NYAP2: variants seen among roughly 807,000 people sequenced by gnomAD.
NYAP2 encodes neuronal tyrosine-phosphorylated phosphoinositide-3-kinase adapter 2.
A neutral mutation model predicts 50.4 loss-of-function variants in NYAP2; 23 were observed. The observed-to-expected ratio is 0.46, with a 90% confidence interval of 0.33 to 0.65. The LOEUF (loss-of-function observed/expected upper bound fraction) is 0.65. NYAP2 is among the 30% of genes least tolerant of loss of function. The pLI, the probability that NYAP2 is intolerant of heterozygous loss-of-function variation, is 0.02. For synonymous variants in NYAP2, 394 were observed against 365.2 expected, an observed-to-expected ratio of 1.08 and a Z score of -0.90; for missense variants, 885 against 861.0, an observed-to-expected ratio of 1.03 and a Z score of -0.35.
chr2:225,620,920 T>C (rs1034845037), intron 5 of NYAP2, among the ~76,000 whole-genome samples: 12 of 151,742 alleles, frequency 7.9e-5, no homozygotes, highest in Non-Finnish European at 1.8e-4. Context: ...TCGAGACCAT[T>C]CTGGCTAACA....
exon 1 of NYAP2, chr2:225,400,100 C>T (rs2106113550): frequency 6.6e-6 from 1 of 152,242 alleles, no homozygotes; most frequent in East Asian, 1.9e-4. Flanking sequence ...AACGATGCCG[C>T]TTTCCGGTTT....
intron 4 of NYAP2, among the ~76,000 whole-genome samples, chr2:225,558,783 A>G (rs544628434): frequency 6.6e-6 from 1 of 152,264 alleles, no homozygotes; most frequent in African/African-American, 2.4e-5. Context: ...AGCTTCCTCT[A>G]CGATGAGAGG....
chr2:225,683,787 C>T, the NYAP2 span, among the ~76,000 whole-genome samples: 1 of 152,114 alleles, frequency 6.6e-6, no homozygotes, highest in South Asian at 2.1e-4. Context: ...AGGGGGCTAT[C>T]TTTTGAACTC....
intron 2 of NYAP2, among the ~76,000 whole-genome samples, chr2:225,405,086 G>A (rs1284832149): frequency 6.6e-6 from 1 of 151,992 alleles, no homozygotes; most frequent in African/African-American, 2.4e-5. Flanking sequence ...CAATGCTCAG[G>A]GAGCAGGGAA....
chr2:225,668,090 C>A, the NYAP2 span, among the ~76,000 whole-genome samples: 2 of 152,164 alleles, frequency 1.3e-5, no homozygotes. Context: ...AAGGATACGA[C>A]ATTACATATA....
At chr2:225,522,038 C>T (rs1338538479) in intron 4 of NYAP2, among the ~76,000 whole-genome samples, 1 of 152,112 alleles carries the variant, frequency 6.6e-6, no homozygotes, top group African/African-American at 2.4e-5. Context: ...TCCATTTCTT[C>T]CAGATTTTCT....
At chr2:225,655,557 G>A (rs1053144154), downstream of NYAP2, among the ~76,000 whole-genome samples, 2 of 152,130 alleles carry the variant, frequency 1.3e-5, no homozygotes, top group African/African-American at 2.4e-5. Flanking sequence ...CTCTGTAATA[G>A]AGTAGAAAGC....
intron 6 of NYAP2, among the ~76,000 whole-genome samples, chr2:225,643,729 T>A (rs1693575522): frequency 6.6e-6 from 1 of 152,036 alleles, no homozygotes; most frequent in African/African-American, 2.4e-5. Context: ...TTACTGAGAA[T>A]GATGATTTCC....
chr2:225,605,752 C>T (rs1228735364), intron 5 of NYAP2, among the ~76,000 whole-genome samples: 2 of 151,822 alleles, frequency 1.3e-5, no homozygotes, highest in African/African-American at 4.8e-5. Context: ...ATGTTTTCTC[C>T]CAAATAATTC....
At chr2:225,436,758 A>AAAAAAG (rs1553538803) in intron 3 of NYAP2, among the ~76,000 whole-genome samples, 1 of 141,840 alleles carries the variant, frequency 7.1e-6, no homozygotes, top group Non-Finnish European at 1.5e-5. Flanking sequence ...AAAAAAAAAA[A>AAAAAAG]AGAGAGAAGA....
intron 4 of NYAP2, among the ~76,000 whole-genome samples, chr2:225,516,156 A>G (rs570987939): frequency 3.9e-5 from 6 of 152,108 alleles, no homozygotes; most frequent in Non-Finnish European, 8.8e-5. Flanking sequence ...TTAAAAATAG[A>G]AGGGATTCCC....
chr2:225,694,830 C>A, the NYAP2 span, among the ~76,000 whole-genome samples: 1 of 151,838 alleles, frequency 6.6e-6, no homozygotes, highest in Non-Finnish European at 1.5e-5. Flanking sequence ...TGATACCTAG[C>A]CATCTTTCAT....
intron 5 of NYAP2, among the ~76,000 whole-genome samples, chr2:225,593,337 CTGGCTTGGCTTCT>C (rs1692542089): frequency 6.6e-6 from 1 of 152,208 alleles, no homozygotes; most frequent in South Asian, 2.1e-4. Context: ...TGAGTCCCTT[CTGGCTTGGCTTCT>C]TGTGTGGGGC....
chr2:225,513,580 A>G, exon 4 of NYAP2: 1 of 1,601,872 alleles, frequency 6.2e-7, no homozygotes, highest in Non-Finnish European at 8.5e-7. Flanking sequence ...CCCAAACCCA[A>G]GAGGGACCCC....
rs553512865 is a variant in NYAP2 at position 225,431,302 on chromosome 2, A to G, written c.221+22201A>G. ...GTTGTAGAGAAATCATACCTCATCA[A>G]CAAACGGTAGACCGTTGGCATTCTT... is the stretch of plus-strand genomic sequence containing the variant. On this transcript the variant is annotated intron_variant, in intron 3 of 6. Transcript: ENST00000636099. Among the ~76,000 whole-genome samples, 51 of 152,330 alleles carry G rather than the reference A, an allele frequency of 3.3e-4. No homozygotes were observed. In the South Asian group the frequency reaches 8.7e-3, roughly 26 times the overall value.
At chr2:225,498,691 T>G (rs998397868) in intron 3 of NYAP2, among the ~76,000 whole-genome samples, 10 of 152,172 alleles carry the variant, frequency 6.6e-5, no homozygotes, top group South Asian at 4.1e-4. Flanking sequence ...TGTAGATGGT[T>G]TGGAAAATAG....
chr2:225,497,920 A>G (rs1207552037), intron 3 of NYAP2, among the ~76,000 whole-genome samples: 1 of 152,136 alleles, frequency 6.6e-6, no homozygotes, highest in East Asian at 1.9e-4. Context: ...TTTCTGGATG[A>G]CATAACTTAT....
intron 6 of NYAP2, among the ~76,000 whole-genome samples, chr2:225,644,837 T>G (rs1002923004): frequency 5.3e-5 from 8 of 151,984 alleles, no homozygotes; most frequent in East Asian, 1.9e-4. Flanking sequence ...CTGTTTTGGT[T>G]ACTGTAGCCT....
At chr2:225,553,834 C>T (rs13030621) in intron 4 of NYAP2, among the ~76,000 whole-genome samples, 1 of 151,874 alleles carries the variant, frequency 6.6e-6, no homozygotes, top group African/African-American at 2.4e-5. Context: ...GTCAGGAGTT[C>T]GACACCAGCC....
Sources: allele counts gnomAD v4.1 joint callset (sites outside exome capture counted in the v4.1 genomes callset), GRCh38; gene constraint gnomAD v4.1.1; transcripts MANE v1.5; gene names NCBI Gene and HGNC (gene_info 2026-07-23, HGNC 2026-07-21).